TM2D2: variants seen among roughly 807,000 people sequenced by gnomAD.
TM2D2 encodes the protein TM2 domain containing 2.
Under a neutral mutation model 23.0 loss-of-function variants are expected in TM2D2, and 19 were observed. The ratio of observed to expected loss-of-function variants is 0.82; its 90% confidence interval spans 0.58 to 1.21. TM2D2 has a LOEUF of 1.21. Ranked by LOEUF, TM2D2 falls within the 50% of genes most tolerant of loss-of-function variation. TM2D2 has a pLI of 0.00. For synonymous variants in TM2D2, 120 were observed against 108.8 expected (o/e 1.10, Z -0.64); for missense variants, 246 against 265.4 (o/e 0.93, Z 0.51).
Position 38,991,426 on chromosome 8 carries a change from C to G in TM2D2, c.551G>C (p.Gly184Ala), listed in dbSNP as rs1277256142. Residue 184 changes from glycine to alanine, a missense_variant, in exon 4 of 4, where the codon GGA (glycine) becomes GCA (alanine). Coordinates refer to ENST00000456397, the MANE Select transcript of TM2D2 (RefSeq NM_078473.3). ...GTAVGKLLTLGGLGIWWFVDL... is the reference protein window; with the variant it reads ...GTAVGKLLTLAGLGIWWFVDL... ...AACAAACCACCAAATCCCAAGTCCT[C>G]CAAGCGTCAACAGCTTCCCTACTGC... The G allele has an allele frequency of 6.2e-7, 1 of 1,614,044 alleles. No individual in the cohort carries two copies. The highest frequency in any genetic ancestry group is 1.3e-5 in the African/African-American group (1 of 74,906).
rs781620208 is a variant in TM2D2 at position 38,990,038 on chromosome 8, A to G, written c.*1294T>C. On this transcript the variant is annotated 3_prime_UTR_variant, in exon 4 of 4. Coordinates refer to ENST00000456397, the MANE Select transcript of TM2D2 (RefSeq NM_078473.3). Reference sequence around the variant, plus strand: ...AATTGTTATGTTATAAGCAAGGTTAAGGTCAGTGTGGTACAGAACTTTCAA... The same window carrying G: ...AATTGTTATGTTATAAGCAAGGTTAGGGTCAGTGTGGTACAGAACTTTCAA... The G allele has an allele frequency of 2.0e-5, 3 of 152,254 alleles. No individual in the cohort carries two copies. Among genetic ancestry groups the G allele is most frequent in the Non-Finnish European group, 2.9e-5 (2 of 68,040 alleles). The allele number at this position is 152,254 out of a possible 1,614,324, so 9.4% of individuals were successfully genotyped here. A position where few individuals can be genotyped will look rare whatever the true frequency, so the allele number is the denominator to read the frequency against.
chr8:38,991,465 C>T lies in TM2D2; in HGVS notation c.512G>A (p.Gly171Glu), dbSNP rs1321902904. ...GCFGVDRFCLGHTGTAVGKLL... is the reference protein window; with the variant it reads ...GCFGVDRFCLEHTGTAVGKLL... ...CTTCCCTACTGCAGTGCCAGTGTGT[C>T]CCAAACAGAATCGATCCACACCAAA... The change falls in exon 4 of 4, where the codon GGA (glycine) becomes GAA (glutamate). Residue 171 changes from glycine (G) to glutamate (E), a missense_variant. Around this residue, in one of 2 missense-constraint regions of TM2D2, gnomAD observed 34 missense variants for 63.2 expected, o/e 0.54. Transcript: ENST00000456397. The T allele has an allele frequency of 1.2e-6, 2 of 1,614,098 alleles. No individual in the cohort carries two copies. The highest frequency in any genetic ancestry group is 2.2e-5 in the East Asian group (1 of 44,884).
chr8:38,991,402 A>G lies in TM2D2; in HGVS notation c.575T>C (p.Val192Ala), dbSNP rs1381326037. The G allele has an allele frequency of 6.2e-7, 1 of 1,614,162 alleles. No individual in the cohort carries two copies. The highest frequency in any genetic ancestry group is 8.5e-7 in the Non-Finnish European group (1 of 1,180,034). The change falls in exon 4 of 4, where the codon GTT (valine) becomes GCT (alanine). Residue 192 changes from valine to alanine, a missense_variant. Physicochemically the swap from Val to Ala is moderately conservative, Grantham distance 64. This residue lies in a region of TM2D2 where 34 missense variants were observed against 63.2 expected (regional missense o/e 0.54). Coordinates refer to ENST00000456397, the MANE Select transcript of TM2D2 (RefSeq NM_078473.3). ...TCCAGTAATTAGCAAAATAAGGTCAACAAACCACCAAATCCCAAGTCCTCC... is the reference window on the plus strand; with the variant it reads ...TCCAGTAATTAGCAAAATAAGGTCAGCAAACCACCAAATCCCAAGTCCTCC... ...TLGGLGIWWFVDLILLITGGL... is the reference protein window; with the variant it reads ...TLGGLGIWWFADLILLITGGL...
In TM2D2 at chr8:38,988,984, T is replaced by G. The variant is rs956268409; in HGVS notation, c.*2348A>C. On this transcript the variant is annotated 3_prime_UTR_variant, in exon 4 of 4. Transcript: ENST00000456397. ...GTCTACCAAAATTTAAGAAACAACC[T>G]GAATAAAGTGCAAAGGCAATCAATT... 5 of 152,216 alleles carry G rather than the reference T, an allele frequency of 3.3e-5. No homozygotes were observed. Among genetic ancestry groups the G allele is most frequent in the African/African-American group, 1.2e-4 (5 of 41,456 alleles). 9.4% of individuals were successfully genotyped at this position (152,216 alleles called of 1,614,324 possible).
Position 38,991,201 on chromosome 8 carries a change from C to G in TM2D2, c.*131G>C. ...CCAAAGTCCAAAGAAGCCTTCTTAA[C>G]CAAACAAATGCCCTCCAAAAGAAGG... On this transcript the variant is annotated 3_prime_UTR_variant, in exon 4 of 4. Transcript: ENST00000456397. 1.2e-6 allele frequency: 1 copy of G among 816,054 alleles called. No homozygotes were observed. The highest frequency in any genetic ancestry group is 1.8e-5 in the South Asian group (1 of 55,380). 50.6% of individuals were successfully genotyped at this position (816,054 alleles called of 1,614,324 possible). A position where few individuals can be genotyped will look rare whatever the true frequency, so the allele number is the denominator to read the frequency against.
At chr8:38,992,945 TA>T (rs1283308740) in intron 3 of TM2D2, among the ~76,000 whole-genome samples, 2 of 152,236 alleles carry the variant, frequency 1.3e-5, no homozygotes, top group Non-Finnish European at 2.9e-5. Flanking sequence ...TAGCAAACTG[TA>T]CAAGGAAATT....
At chr8:38,995,194 G>A in intron 2 of TM2D2, 124 bp downstream of exon 2, 1 of 707,120 alleles carries the variant, frequency 1.4e-6, no homozygotes, top group African/African-American at 1.9e-5. Context: ...GAAATTTCCA[G>A]TAACGGTCTT....
chr8:38,989,318 T>A lies in TM2D2; in HGVS notation c.*2014A>T, dbSNP rs1310685159. 1 of 152,284 alleles carries A rather than the reference T, an allele frequency of 6.6e-6. No homozygotes were observed. The highest frequency in any genetic ancestry group is 1.5e-5 in the Non-Finnish European group (1 of 68,090). The allele number at this position is 152,284 out of a possible 1,614,324, so 9.4% of individuals were successfully genotyped here. On this transcript the variant is annotated 3_prime_UTR_variant, in exon 4 of 4. Transcript: ENST00000456397. ...AGCCTTGGAGCTGCAAAATTTCTTT[T>A]TTGGTCAGAGTCTCACTCTGTTGCC...
In TM2D2 at chr8:38,993,512, A is replaced by AG. The variant is rs545782309; in HGVS notation, c.431+32dup. The AG allele has an allele frequency of 6.1e-3, 9,203 of 1,518,754 alleles. 52 individuals are homozygous for AG. Among genetic ancestry groups the AG allele is most frequent in the Non-Finnish European group, 7.8e-3 (8,607 of 1,099,292 alleles). The allele number at this position is 1,518,754 out of a possible 1,614,324, so 94.1% of individuals were successfully genotyped here. On this transcript the variant is annotated intron_variant, in intron 3 of 3. Coordinates refer to ENST00000456397, the MANE Select transcript of TM2D2 (RefSeq NM_078473.3). ...AGGAAAATGGCTCTACCTCCAACCA[A>AG]GTACCAACTACTCCAATCAAAGTAA...
In TM2D2 at chr8:38,993,521, T is replaced by C. The variant is rs764133346; in HGVS notation, c.431+24A>G. On this transcript the variant is annotated intron_variant, in intron 3 of 3. Transcript: ENST00000456397. ...GCTCTACCTCCAACCAAGTACCAAC[T>C]ACTCCAATCAAAGTAACACTTACTT... 3.2e-6 allele frequency: 5 copies of C among 1,553,730 alleles called. No homozygotes were observed. The Admixed American group carries it at 8.4e-5, about 26-fold the overall frequency.
rs113925400 is a variant in TM2D2 at position 38,996,465 on chromosome 8, C to A, written c.-26G>T. ...CTTCCCGGGCACAGGAGCGGAGACCCGGCCTCAACCACAACCCCAGGCCAG... is the reference window on the plus strand; with the variant it reads ...CTTCCCGGGCACAGGAGCGGAGACCAGGCCTCAACCACAACCCCAGGCCAG... On this transcript the variant is annotated 5_prime_UTR_variant, in exon 1 of 4. Transcript: ENST00000456397. 36 of 1,612,740 alleles carry A rather than the reference C, an allele frequency of 2.2e-5. No homozygotes were observed. Among genetic ancestry groups the A allele is most frequent in the African/African-American group, 5.3e-5 (4 of 74,926 alleles).
upstream of TM2D2, chr8:38,996,605 A>T: frequency 6.9e-7 from 1 of 1,446,930 alleles, no homozygotes; most frequent in South Asian, 1.4e-5. Flanking sequence ...CCGCCAACCA[A>T]CTAGAAAAGG....
In TM2D2 at chr8:38,990,968, T is replaced by A. The variant is rs899769804; in HGVS notation, c.*364A>T. On this transcript the variant is annotated 3_prime_UTR_variant, in exon 4 of 4. Coordinates refer to ENST00000456397, the MANE Select transcript of TM2D2 (RefSeq NM_078473.3). ...CACAAGAGGAACATGGATCCAAATA[T>A]TCATTTTGCTCAACTTGTTAGGTCC... The A allele has an allele frequency of 5.9e-5, 14 of 236,368 alleles. No individual in the cohort carries two copies. Among genetic ancestry groups the A allele is most frequent in the Non-Finnish European group, 2.5e-5 (3 of 120,024 alleles). The allele number at this position is 236,368 out of a possible 1,614,324, so 14.6% of individuals were successfully genotyped here. A position where few individuals can be genotyped will look rare whatever the true frequency, so the allele number is the denominator to read the frequency against.
chr8:38,994,939 T>C (rs968933763), intron 2 of TM2D2, among the ~76,000 whole-genome samples: 1 of 152,208 alleles, frequency 6.6e-6, no homozygotes, highest in East Asian at 1.9e-4. Flanking sequence ...CCCAAATGCA[T>C]GTGTAACAAA....
chr8:38,996,131 C>T (rs1835776171), intron 1 of TM2D2, 82 bp downstream of exon 1: 1 of 1,463,204 alleles, frequency 6.8e-7, no homozygotes. Flanking sequence ...ATGCAGCGTC[C>T]CCCCAACCCT....
Position 38,996,308 on chromosome 8 carries a change from G to A in TM2D2, c.132C>T (p.Leu44=). 8 of 1,614,124 alleles carry A rather than the reference G, an allele frequency of 5.0e-6. No homozygotes were observed. The highest frequency in any genetic ancestry group is 6.8e-6 in the Non-Finnish European group (8 of 1,180,032). Residue 44 remains leucine (L), a synonymous_variant, in exon 1 of 4, where the codon CTC becomes CTT. Coordinates refer to ENST00000456397, the MANE Select transcript of TM2D2 (RefSeq NM_078473.3). ...CCGGCTGGGCGGCGCCAGCGGATGTGAGCTCAGGCTCAGCGGTCGCATTTT... is the reference window on the plus strand; with the variant it reads ...CCGGCTGGGCGGCGCCAGCGGATGTAAGCTCAGGCTCAGCGGTCGCATTTT... ...HSQNATAEPE[L]TSAGAAQPEG...
intron 2 of TM2D2, among the ~76,000 whole-genome samples, chr8:38,994,292 G>A (rs200759196): frequency 6.6e-6 from 1 of 152,118 alleles, no homozygotes; most frequent in East Asian, 1.9e-4. Context: ...TTCTAGCCAA[G>A]AAATCACAGA....
At chr8:38,996,957 C>T, upstream of TM2D2, 1 of 1,474,918 alleles carries the variant, frequency 6.8e-7, no homozygotes, top group Non-Finnish European at 9.1e-7. Flanking sequence ...TCGTCGGGCG[C>T]GCGCGCTTCC....
intron 2 of TM2D2, 161 bp downstream of exon 2, chr8:38,995,157 G>A: frequency 1.7e-6 from 1 of 572,030 alleles, no homozygotes; most frequent in Non-Finnish European, 3.0e-6. Context: ...CAAATATCTT[G>A]TTCAGTCACT....
Sources: gnomAD v4.1 joint callset for allele counts (sites outside exome capture counted in the v4.1 genomes callset) on GRCh38, gnomAD v4.1.1 for gene constraint, gnomAD v4.1.1 regional missense constraint, MANE v1.5 for transcripts, NCBI Gene and HGNC (gene_info 2026-07-23, HGNC 2026-07-21) for gene names.